FOXP2: variants seen among roughly 807,000 people sequenced by gnomAD.
FOXP2 encodes the protein forkhead box P2.
FOXP2 carries 12 observed loss-of-function variants against 115.8 expected under a neutral mutation model. The observed-to-expected ratio is 0.10, with a 90% CI of 0.07 to 0.17. The LOEUF (loss-of-function observed/expected upper bound fraction) is 0.17. FOXP2 is among the 10% of genes least tolerant of loss of function. The pLI is 1.00. For missense variants in FOXP2, 629 were observed against 843.5 expected (o/e 0.75, Z 3.15); for synonymous variants, 328 against 297.7 (o/e 1.10, Z -1.05).
chr7:114,634,004 TC>T lies in FOXP2; in HGVS notation c.775+2300del, dbSNP rs1391505681. On this transcript the variant is annotated intron_variant, in intron 6 of 16. Transcript: ENST00000350908. ...ATTGTGTCTTTAAAACTGTATCTTT[TC>T]TTTTTTTTTTGAGGAGTCTCACTCT... 9.0e-4 allele frequency among the ~76,000 whole-genome samples: 137 copies of T among 152,068 alleles called. 1 individual carries two copies. The highest frequency in any genetic ancestry group is 3.0e-3 in the African/African-American group (124 of 41,490).
chr7:114,650,809 C>T (rs1241931458), intron 8 of FOXP2, among the ~76,000 whole-genome samples: 1 of 151,910 alleles, frequency 6.6e-6, no homozygotes, highest in African/African-American at 2.4e-5. Context: ...TCCACAGTTT[C>T]TCTTCAACCA....
intron 2 of FOXP2, among the ~76,000 whole-genome samples, chr7:114,355,106 T>C (rs1329102908): frequency 6.6e-6 from 1 of 152,168 alleles, no homozygotes; most frequent in African/African-American, 2.4e-5. Context: ...CAAACATATC[T>C]TTTGTCATGG....
In FOXP2 at chr7:114,439,638, G is replaced by A. The variant is rs751518447; in HGVS notation, c.168+12959G>A. On this transcript the variant is annotated intron_variant, in intron 2 of 16. Transcript: ENST00000350908. Reference sequence around the variant, plus strand: ...TTAGCTCACTGCTACCTCCACCTCCGGGCTAAAGCCATCATCGCAGATTAG... The same window carrying A: ...TTAGCTCACTGCTACCTCCACCTCCAGGCTAAAGCCATCATCGCAGATTAG... 7.9e-5 allele frequency among the ~76,000 whole-genome samples: 12 copies of A among 151,910 alleles called. No individual in the cohort carries two copies. In the East Asian group the frequency reaches 1.3e-3, roughly 17 times the overall value.
chr7:114,448,962 A>G (rs1339847073), intron 2 of FOXP2, among the ~76,000 whole-genome samples: 1 of 152,096 alleles, frequency 6.6e-6, no homozygotes, highest in Non-Finnish European at 1.5e-5. Flanking sequence ...AAATATTACA[A>G]ATTGCATATT....
intron 2 of FOXP2, among the ~76,000 whole-genome samples, chr7:114,385,886 G>A (rs1027383702): frequency 2.0e-5 from 3 of 152,078 alleles, no homozygotes; most frequent in African/African-American, 7.3e-5. Flanking sequence ...CTCTGACCTG[G>A]GGTTCTTGGC....
chr7:114,229,667 A>G (rs902301351), intron 1 of FOXP2, among the ~76,000 whole-genome samples: 1 of 151,766 alleles, frequency 6.6e-6, no homozygotes, highest in Non-Finnish European at 1.5e-5. Context: ...CAGAAAATGG[A>G]AAGAAATGAG....
intron 3 of FOXP2, among the ~76,000 whole-genome samples, chr7:114,569,035 A>G (rs1801160922): frequency 6.6e-6 from 1 of 151,968 alleles, no homozygotes; most frequent in South Asian, 2.1e-4. Flanking sequence ...TATTAAATAT[A>G]AACAGTGTCA....
intron 6 of FOXP2, 28 bp downstream of exon 6, chr7:114,631,733 A>G: frequency 6.2e-7 from 1 of 1,610,454 alleles, no homozygotes; most frequent in African/African-American, 1.3e-5. Flanking sequence ...TGCACTCTTC[A>G]TTTCAAATCT....
intron 1 of FOXP2, among the ~76,000 whole-genome samples, chr7:114,275,948 G>A (rs1796175254): frequency 6.6e-6 from 1 of 152,106 alleles, no homozygotes; most frequent in African/African-American, 2.4e-5. Context: ...CCCTTAGGTG[G>A]GAGAGGATGG....
At chr7:114,087,052 G>A (rs1799435055), upstream of FOXP2, among the ~76,000 whole-genome samples, 1 of 147,718 alleles carries the variant, frequency 6.8e-6, no homozygotes, top group South Asian at 2.3e-4. Context: ...CTTCCTCCCC[G>A]CACCCCCACC....
chr7:114,554,194 T>G (rs1800346155), intron 3 of FOXP2, among the ~76,000 whole-genome samples: 1 of 152,136 alleles, frequency 6.6e-6, no homozygotes, highest in Non-Finnish European at 1.5e-5. Flanking sequence ...TAAAATATCT[T>G]CAAAACATTA....
chr7:114,593,868 GC>G, intron 3 of FOXP2, among the ~76,000 whole-genome samples: 1 of 152,014 alleles, frequency 6.6e-6, no homozygotes, highest in African/African-American at 2.4e-5. Flanking sequence ...ATGTATAGAC[GC>G]TAAATAAATA....
At chr7:114,155,719 A>G (rs766828419) in intron 1 of FOXP2, among the ~76,000 whole-genome samples, 6 of 152,108 alleles carry the variant, frequency 3.9e-5, no homozygotes, top group Non-Finnish European at 8.8e-5. Flanking sequence ...AAAGAATTTG[A>G]TTGAGGGGCA....
intron 1 of FOXP2, among the ~76,000 whole-genome samples, chr7:114,254,526 G>A (rs369270513): frequency 3.1e-4 from 47 of 151,924 alleles, no homozygotes; most frequent in African/African-American, 7.5e-4. Context: ...TTCTCTTCTC[G>A]CTTCATTTCA....
chr7:114,495,070 C>T (rs1305800424), intron 2 of FOXP2, among the ~76,000 whole-genome samples: 2 of 152,170 alleles, frequency 1.3e-5, no homozygotes, highest in Non-Finnish European at 2.9e-5. Flanking sequence ...ACAGAGAGGG[C>T]ATGAAAGTTT....
At chr7:114,397,692 A>C (rs1293643050) in intron 2 of FOXP2, among the ~76,000 whole-genome samples, 1 of 152,218 alleles carries the variant, frequency 6.6e-6, no homozygotes, top group African/African-American at 2.4e-5. Flanking sequence ...GATGAGGCTG[A>C]AGAGTCATCT....
chr7:114,267,794 A>T (rs940391962), intron 1 of FOXP2, among the ~76,000 whole-genome samples: 2 of 149,740 alleles, frequency 1.3e-5, no homozygotes, highest in South Asian at 4.2e-4. Context: ...ATAAATATAT[A>T]TGTATATATA....
chr7:114,612,055 T>A (rs1231685484), intron 3 of FOXP2, among the ~76,000 whole-genome samples: 2 of 152,162 alleles, frequency 1.3e-5, no homozygotes, highest in East Asian at 3.8e-4. Flanking sequence ...AAAACCCCAA[T>A]AGCAGAGAGT....
chr7:114,128,240 G>T (rs969305480), intron 1 of FOXP2, among the ~76,000 whole-genome samples: 1 of 152,018 alleles, frequency 6.6e-6, no homozygotes, highest in Non-Finnish European at 1.5e-5. Context: ...CAAACAAACC[G>T]AAGGAATTTT....
Sources: gnomAD v4.1 joint callset for allele counts (sites outside exome capture counted in the v4.1 genomes callset) on GRCh38, gnomAD v4.1.1 for gene constraint, MANE v1.5 for transcripts, NCBI Gene and HGNC (gene_info 2026-07-23, HGNC 2026-07-21) for gene names.